Variants in IDE observed in about 807,000 individuals in gnomAD.
IDE encodes the protein insulin degrading enzyme.
In IDE, 58 loss-of-function variants were observed where a neutral mutation model predicts 133.2. The ratio of observed to expected loss-of-function variants is 0.44; its 90% CI spans 0.35 to 0.54. IDE has a LOEUF of 0.54. Among genes scored for constraint, IDE ranks in the 20% least tolerant of loss-of-function variants. The probability of loss-of-function intolerance (pLI) is 0.00; values close to 1 mark genes in which losing one functional copy is unlikely to be tolerated. For synonymous variants in IDE, 396 were observed against 421.3 expected, an observed-to-expected ratio of 0.94 and a Z score of 0.73; for missense variants, 981 against 1,234.0, an observed-to-expected ratio of 0.79 and a Z score of 3.07.
Position 92,479,370 on chromosome 10 carries a change from A to G in IDE, c.1791T>C (p.Leu597=). Reference sequence around the variant, plus strand: ...CGTTGAGTGAGTCTTTGAGGAGCTCAAGGTACAAATAGGCCATGTTACAGT... The same window carrying G: ...CGTTGAGTGAGTCTTTGAGGAGCTCGAGGTACAAATAGGCCATGTTACAGT... ...PLHCNMAYLY[L]ELLKDSLNEY... is the part of the protein sequence containing the mutation. Residue 597 remains leucine (L), a synonymous_variant, in exon 15 of 25, where the codon CTT becomes CTC. Transcript: ENST00000265986. 1 of 1,613,660 alleles carries G rather than the reference A, an allele frequency of 6.2e-7. No individual in the cohort carries two copies. The highest frequency in any genetic ancestry group is 1.1e-5 in the South Asian group (1 of 91,066).
At chr10:92,470,165 C>T in intron 18 of IDE, 89 bp downstream of exon 18, 1 of 866,078 alleles carries the variant, frequency 1.2e-6, no homozygotes, top group East Asian at 2.6e-5. Context: ...CCTTATCACA[C>T]CATGCTGGTT....
chr10:92,465,914 C>T (rs1845657826), intron 19 of IDE, 71 bp from the exon 20 acceptor site: 3 of 1,227,470 alleles, frequency 2.4e-6, no homozygotes, highest in Non-Finnish European at 2.4e-6. Context: ...AATGCTATGT[C>T]TGCCCACACT....
chr10:92,513,592 TTTG>T (rs1235452376), intron 5 of IDE, among the ~76,000 whole-genome samples: 1 of 151,472 alleles, frequency 6.6e-6, no homozygotes, highest in Non-Finnish European at 1.5e-5. Context: ...GTAAACAGCT[TTTG>T]TTTTCTCTTT....
intron 19 of IDE, among the ~76,000 whole-genome samples, chr10:92,467,828 A>G (rs1284703646): frequency 6.6e-6 from 1 of 152,250 alleles, no homozygotes; most frequent in Non-Finnish European, 1.5e-5. Context: ...GGTCATGCAC[A>G]ACAGCAGAGC....
At chr10:92,484,337 G>C (rs1300928011) in intron 13 of IDE, among the ~76,000 whole-genome samples, 1 of 152,108 alleles carries the variant, frequency 6.6e-6, no homozygotes, top group East Asian at 1.9e-4. Flanking sequence ...TTTGAACCAG[G>C]ACTCGGGAGG....
chr10:92,573,127 A>C (rs1189108646), intron 1 of IDE: 1 of 985,330 alleles, frequency 1.0e-6, no homozygotes, highest in Admixed American at 6.1e-5. Flanking sequence ...CGTAGTAAAA[A>C]GTATTCAGCG....
intron 1 of IDE, among the ~76,000 whole-genome samples, chr10:92,539,069 T>G (rs1842167797): frequency 6.6e-6 from 1 of 152,372 alleles, no homozygotes; most frequent in East Asian, 1.9e-4. Flanking sequence ...AAATCTAGTT[T>G]GCTTTCACCA....
At position 92,490,511 on chromosome 10, in the gene IDE, T is replaced by C; in HGVS notation, c.1515A>G (p.Ile505Met). 1.2e-6 allele frequency: 2 copies of C among 1,605,050 alleles called. No individual in the cohort carries two copies. The highest frequency in any genetic ancestry group is 1.7e-6 in the Non-Finnish European group (2 of 1,171,994). ...WYGTQYKQEA[I>M]PDEVIKKWQN... Reference sequence around the variant, plus strand: ...ACCCTACCTTGATGACTTCATCCGGTATAGCTTCTTGTTTGTACTGGGTTC... The same window carrying C: ...ACCCTACCTTGATGACTTCATCCGGCATAGCTTCTTGTTTGTACTGGGTTC... Residue 505 changes from isoleucine to methionine, a missense_variant, in exon 12 of 25, where the codon ATA becomes ATG. Ile to Met is a conservative substitution (Grantham distance 10). Around this residue, in one of 2 missense-constraint regions of IDE, gnomAD observed 660 missense variants for 894.7 expected, o/e 0.74. Coordinates refer to ENST00000265986, the MANE Select transcript of IDE (RefSeq NM_004969.4).
At chr10:92,572,129 G>A (rs1314312419) in intron 1 of IDE, among the ~76,000 whole-genome samples, 2 of 152,160 alleles carry the variant, frequency 1.3e-5, no homozygotes, top group Non-Finnish European at 2.9e-5. Flanking sequence ...TATAACTACA[G>A]AGAAAATGTA....
At position 92,537,529 on chromosome 10, in the gene IDE, G is replaced by T; in HGVS notation, c.120C>A (p.Ser40Arg). The T allele has an allele frequency of 6.3e-7, 1 of 1,592,940 alleles. No homozygotes were observed. Among genetic ancestry groups the T allele is most frequent in the Non-Finnish European group, 8.5e-7 (1 of 1,174,204 alleles). ...RLCGFQKKTY[S>R]KMNNPAIKRI... is the part of the protein sequence containing the mutation. ...TCTTGATGGCTGGATTATTCATTTT[G>T]CTGTAAGTCTTTTTTTGGAAACTGA... Residue 40 changes from serine to arginine, a missense_variant, in exon 2 of 25, where the codon AGC (serine) becomes AGA (arginine). Ser to Arg is a moderately radical substitution (Grantham distance 110, BLOSUM62 -1). Coordinates refer to ENST00000265986, the MANE Select transcript of IDE (RefSeq NM_004969.4).
In IDE at chr10:92,508,160, C is replaced by T. The variant is rs1460499647; in HGVS notation, c.1106G>A (p.Gly369Asp). Residue 369 changes from glycine to aspartate, a missense_variant, in exon 8 of 25, where the codon GGT (glycine) becomes GAT (aspartate). By Grantham distance (94) the Gly-to-Asp change is moderately conservative. Transcript: ENST00000265986. ...LVGGQKEGAR[G>D]FMFFIINVDL... ...CACATTAATGATAAAAAACATAAAA[C>T]CTCGGGCTCCTTCCTTCTGCCCACC... 1.2e-6 allele frequency: 2 copies of T among 1,613,994 alleles called. No homozygotes were observed. Among genetic ancestry groups the T allele is most frequent in the Non-Finnish European group, 1.7e-6 (2 of 1,179,946 alleles).
intron 22 of IDE, among the ~76,000 whole-genome samples, chr10:92,459,817 T>C (rs1845263812): frequency 6.8e-6 from 1 of 148,000 alleles, no homozygotes; most frequent in Admixed American, 6.9e-5. Context: ...TTAGATGGTG[T>C]GAACCTCTTT....
At chr10:92,531,639 G>T (rs950938295) in intron 4 of IDE, 109 bp downstream of exon 4, 31 of 416,000 alleles carry the variant, frequency 7.5e-5, no homozygotes, top group Non-Finnish European at 1.1e-4. Flanking sequence ...TATGCCATGG[G>T]TTATATACAT....
At chr10:92,485,448 A>G (rs1223203034) in intron 13 of IDE, among the ~76,000 whole-genome samples, 1 of 152,154 alleles carries the variant, frequency 6.6e-6, no homozygotes, top group African/African-American at 2.4e-5. Context: ...TTAAGCTGCT[A>G]AATTTTGGAA....
intron 7 of IDE, 127 bp from the exon 8 acceptor site, chr10:92,508,332 G>A: frequency 2.7e-6 from 2 of 752,726 alleles, no homozygotes; most frequent in Non-Finnish European, 4.5e-6. Flanking sequence ...GAAAAGATTG[G>A]GAAAAAAAAA....
At chr10:92,562,806 C>G (rs1843340762) in intron 1 of IDE, among the ~76,000 whole-genome samples, 1 of 152,202 alleles carries the variant, frequency 6.6e-6, no homozygotes. Context: ...TTCATTATTT[C>G]TTGTTTTAAA....
intron 5 of IDE, among the ~76,000 whole-genome samples, chr10:92,514,458 T>C (rs992540426): frequency 2.6e-5 from 4 of 152,046 alleles, no homozygotes; most frequent in Non-Finnish European, 5.9e-5. Context: ...TTTTTTAATA[T>C]GAGATCTCTC....
At chr10:92,515,182 G>T in intron 4 of IDE, 140 bp from the exon 5 acceptor site, 1 of 638,824 alleles carries the variant, frequency 1.6e-6, no homozygotes, top group Non-Finnish European at 2.7e-6. Flanking sequence ...TTATTTGAAT[G>T]TTAAGTGAAT....
Position 92,508,721 on chromosome 10 carries a change from G to A in IDE, c.1060+7C>T. 6.2e-7 allele frequency: 1 copy of A among 1,613,242 alleles called. No individual in the cohort carries two copies. Among genetic ancestry groups the A allele is most frequent in the Non-Finnish European group, 8.5e-7 (1 of 1,179,280 alleles). On this transcript the variant is annotated splice_region_variant and intron_variant, in intron 7 of 24. Transcript: ENST00000265986. ...GACACTCAGAAGATGCTGCCCAGGA[G>A]ACTTACCCTTTGACTTAAGTTCTGA...
Sources: gnomAD v4.1 joint callset for allele counts (sites outside exome capture counted in the v4.1 genomes callset) on GRCh38, gnomAD v4.1.1 for gene constraint, gnomAD v4.1.1 regional missense constraint, MANE v1.5 for transcripts, NCBI Gene and HGNC (gene_info 2026-07-23, HGNC 2026-07-21) for gene names.